The following FBXO5 variants were observed in gnomAD, a reference collection of about 807,000 sequenced individuals.
FBXO5 encodes the protein F-box protein 5.
A neutral mutation model predicts 43.3 loss-of-function variants in FBXO5; 8 were observed. The observed-to-expected ratio is 0.18, with a 90% CI of 0.11 to 0.33. FBXO5 has a LOEUF of 0.33. FBXO5 is among the 10% of genes least tolerant of loss of function. The pLI, the probability that FBXO5 is intolerant of heterozygous loss-of-function variation, is 1.00. For synonymous variants in FBXO5, 204 were observed against 193.7 expected, an observed-to-expected ratio of 1.05 and a Z score of -0.44; for missense variants, 491 against 535.7, an observed-to-expected ratio of 0.92 and a Z score of 0.82.
chr6:152,972,109 A>C (rs991922743), intron 4 of FBXO5, among the ~76,000 whole-genome samples, 163 bp downstream of exon 4: 6 of 152,188 alleles, frequency 3.9e-5, no homozygotes, highest in African/African-American at 1.4e-4. Context: ...TTCTAATTAT[A>C]CTATAATTAA....
At chr6:152,978,597 T>C (rs1202570705) in intron 1 of FBXO5, among the ~76,000 whole-genome samples, 3 of 152,140 alleles carry the variant, frequency 2.0e-5, no homozygotes, top group Non-Finnish European at 4.4e-5. Context: ...ATACCAACAT[T>C]AGAATCTGTA....
chr6:152,974,886 T>C, intron 2 of FBXO5, 21 bp downstream of exon 2: 2 of 1,537,110 alleles, frequency 1.3e-6, no homozygotes, highest in Non-Finnish European at 1.8e-6. Context: ...TGCTAATATG[T>C]ATATTCAAAA....
chr6:152,974,190 G>A (rs113390822), intron 2 of FBXO5, among the ~76,000 whole-genome samples: 2,268 of 151,520 alleles, frequency 0.015, 37 homozygotes, highest in African/African-American at 0.046. Context: ...TGGGTGACTG[G>A]AGTGAAACCC....
At chr6:152,976,306 A>T (rs1584080350) in intron 1 of FBXO5, among the ~76,000 whole-genome samples, 1 of 152,246 alleles carries the variant, frequency 6.6e-6, no homozygotes, top group South Asian at 2.1e-4. Context: ...ACATTTAAAC[A>T]TCTATAAATT....
intron 1 of FBXO5, among the ~76,000 whole-genome samples, chr6:152,978,570 T>G (rs1031227055): frequency 6.6e-6 from 1 of 151,198 alleles, no homozygotes; most frequent in East Asian, 2.0e-4. Context: ...GTGTTTCCCA[T>G]TTTTTTTTGT....
chr6:152,975,606 C>T lies in FBXO5; in HGVS notation c.119G>A (p.Ser40Asn). 1.9e-6 allele frequency: 3 copies of T among 1,596,854 alleles called. No individual in the cohort carries two copies. In the South Asian group the frequency reaches 3.4e-5, roughly 18 times the overall value. Residue 40 changes from serine to asparagine, a missense_variant, in exon 2 of 5, where the codon AGT becomes AAT. Coordinates refer to ENST00000229758, the MANE Select transcript of FBXO5 (RefSeq NM_012177.5). ...PRPSDSCKEE[S>N]STLSVKMKCD... ...CTTCATTTTGACAGAAAGGGTAGAACTTTCTTCTTTACAACCTATAAAAAG... is the reference window on the plus strand; with the variant it reads ...CTTCATTTTGACAGAAAGGGTAGAATTTTCTTCTTTACAACCTATAAAAAG...
At chr6:152,982,438 C>T (rs573986003) in intron 1 of FBXO5, among the ~76,000 whole-genome samples, 1 of 152,152 alleles carries the variant, frequency 6.6e-6, no homozygotes, top group Admixed American at 6.5e-5. Flanking sequence ...CCTGGCCAGG[C>T]CCTGGGGGCT....
At chr6:152,977,490 T>C (rs1778186410) in intron 1 of FBXO5, among the ~76,000 whole-genome samples, 1 of 152,280 alleles carries the variant, frequency 6.6e-6, no homozygotes, top group African/African-American at 2.4e-5. Flanking sequence ...AGACACATAG[T>C]ATGTGCTCCA....
chr6:152,982,380 G>A (rs1778274557), intron 1 of FBXO5, among the ~76,000 whole-genome samples: 2 of 152,138 alleles, frequency 1.3e-5, no homozygotes, highest in South Asian at 2.1e-4. Context: ...TGGCTGTGAG[G>A]GTGCGGGGCA....
rs201709047 is a variant in FBXO5, at chr6:152,971,028, TG to T, written c.*134del. ...GAGGTTGTCTATCCTCTTTATCTTC[TG>T]GGGGGAAAAAAACCTCAGGATACTA... On this transcript the variant is annotated 3_prime_UTR_variant, in exon 5 of 5. Coordinates refer to ENST00000229758, the MANE Select transcript of FBXO5 (RefSeq NM_012177.5). The T allele has an allele frequency of 3.9e-6, 3 of 768,566 alleles. No homozygotes were observed. The highest frequency in any genetic ancestry group is 2.9e-5 in the East Asian group (1 of 34,340). The allele number at this position is 768,566 out of a possible 1,614,324, so 47.6% of individuals were successfully genotyped here. A position where few individuals can be genotyped will look rare whatever the true frequency, so the allele number is the denominator to read the frequency against.
At chr6:152,982,593 G>T (rs1387669723) in intron 1 of FBXO5, among the ~76,000 whole-genome samples, 3 of 152,248 alleles carry the variant, frequency 2.0e-5, no homozygotes, top group African/African-American at 7.2e-5. Flanking sequence ...CACCTCCCGG[G>T]GCTGGAGTCC....
At chr6:152,982,388 G>A (rs1002732068) in intron 1 of FBXO5, among the ~76,000 whole-genome samples, 2 of 152,134 alleles carry the variant, frequency 1.3e-5, no homozygotes, top group African/African-American at 2.4e-5. Flanking sequence ...AGGGTGCGGG[G>A]CAGATGTAGA....
At position 152,973,048 on chromosome 6, in the gene FBXO5, T is replaced by C. The variant is rs1335881589; in HGVS notation, c.907A>G (p.Thr303Ala). ...AAACATCATCTGCAAACACTTACGG[T>C]AACTCTTTGTATTGCTTTACTGTAC... ...QLYSKAIQRVTENNNKFSPHA... is the reference protein window; with the variant it reads ...QLYSKAIQRVAENNNKFSPHA... Residue 303 changes from threonine to alanine, a missense_variant and splice_region_variant, in exon 3 of 5, where the codon ACC (threonine) becomes GCC (alanine). Physicochemically the swap from Thr to Ala is moderately conservative, Grantham distance 58 (BLOSUM62 0). Coordinates refer to ENST00000229758, the MANE Select transcript of FBXO5 (RefSeq NM_012177.5). The C allele has an allele frequency of 6.2e-7, 1 of 1,612,816 alleles. No homozygotes were observed. Among genetic ancestry groups the C allele is most frequent in the South Asian group, 1.1e-5 (1 of 91,054 alleles).
chr6:152,979,753 C>T (rs2129094398), intron 1 of FBXO5, among the ~76,000 whole-genome samples: 1 of 152,262 alleles, frequency 6.6e-6, no homozygotes, highest in South Asian at 2.1e-4. Context: ...CTATTGTGAG[C>T]TCTTGCAGTT....
Position 152,975,084 on chromosome 6 carries a change from T to G in FBXO5, c.641A>C (p.Lys214Thr), listed in dbSNP as rs1466579319. ...TLKKNAKRNP[K>T]VDREMLKEII... Reference sequence around the variant, plus strand: ...TTCCTTCAGCATCTCCCGATCTACTTTAGGATTTCGTTTTGCATTCTTTTT... The same window carrying G: ...TTCCTTCAGCATCTCCCGATCTACTGTAGGATTTCGTTTTGCATTCTTTTT... Residue 214 changes from lysine (K) to threonine (T), a missense_variant, in exon 2 of 5, where the codon AAA (lysine) becomes ACA (threonine). Coordinates refer to ENST00000229758, the MANE Select transcript of FBXO5 (RefSeq NM_012177.5). 2 of 1,614,208 alleles carry G rather than the reference T, an allele frequency of 1.2e-6. No homozygotes were observed. Among genetic ancestry groups the G allele is most frequent in the Middle Eastern group, 3.3e-4 (2 of 6,062 alleles).
intron 4 of FBXO5, 59 bp from the exon 5 acceptor site, chr6:152,971,473 T>C: frequency 1.3e-6 from 2 of 1,528,646 alleles, no homozygotes; most frequent in Non-Finnish European, 1.8e-6. Flanking sequence ...GTACTTTAGT[T>C]AATAAAACCA....
At chr6:152,981,464 G>A (rs1045744767) in intron 1 of FBXO5, among the ~76,000 whole-genome samples, 1 of 152,108 alleles carries the variant, frequency 6.6e-6, no homozygotes, top group African/African-American at 2.4e-5. Context: ...GAATTTAAGA[G>A]GCCCAATGCT....
chr6:152,977,166 G>A (rs1778181393), intron 1 of FBXO5, among the ~76,000 whole-genome samples: 1 of 152,154 alleles, frequency 6.6e-6, no homozygotes, highest in Non-Finnish European at 1.5e-5. Flanking sequence ...ATTGTTGAAG[G>A]CAGAGAGTAA....
In FBXO5 at chr6:152,982,989, G is replaced by T. The variant is rs550038526; in HGVS notation, c.-30C>A. The T allele has an allele frequency of 1.9e-5, 25 of 1,336,560 alleles. No individual in the cohort carries two copies. The East Asian group carries it at 6.8e-4, about 36-fold the overall frequency. 82.8% of individuals were successfully genotyped at this position (1,336,560 alleles called of 1,614,324 possible). A position where few individuals can be genotyped will look rare whatever the true frequency, so the allele number is the denominator to read the frequency against. ...GCCGACGTGGAGTCTGCCTCAGGTG[G>T]AGGAACCGCTCCGGGGGCAGCTGAG... On this transcript the variant is annotated 5_prime_UTR_variant, in exon 1 of 5. Transcript: ENST00000229758.
Sources: allele counts gnomAD v4.1 joint callset (sites outside exome capture counted in the v4.1 genomes callset), GRCh38; gene constraint gnomAD v4.1.1; transcripts MANE v1.5; gene names NCBI Gene and HGNC (gene_info 2026-07-23, HGNC 2026-07-21).